Variants in MYT1L observed in about 807,000 individuals in gnomAD.
MYT1L encodes the protein myelin transcription factor 1-like protein.
Under a neutral mutation model 126.7 loss-of-function variants are expected in MYT1L, and 12 were observed. The ratio of observed to expected loss-of-function variants is 0.09; its 90% confidence interval spans 0.06 to 0.15. MYT1L has a LOEUF of 0.15. MYT1L is among the 10% of genes least tolerant of loss of function. MYT1L has a pLI of 1.00. For synonymous variants in MYT1L, 541 were observed against 604.2 expected (o/e 0.90, Z 1.53); for missense variants, 979 against 1,585.2 (o/e 0.62, Z 6.49).
chr2:2,071,100 C>A (rs918096108), intron 3 of MYT1L, among the ~76,000 whole-genome samples: 1 of 152,098 alleles, frequency 6.6e-6, no homozygotes, highest in Non-Finnish European at 1.5e-5. Context: ...AATCCTGACC[C>A]ACTGGGGGCT....
intron 2 of MYT1L, among the ~76,000 whole-genome samples, chr2:2,250,096 T>C (rs1252930678): frequency 1.3e-5 from 2 of 152,136 alleles, no homozygotes; most frequent in Non-Finnish European, 2.9e-5. Context: ...GTACAACCAC[T>C]ATAGAGAACA....
intron 4 of MYT1L, among the ~76,000 whole-genome samples, chr2:2,049,489 T>G (rs2068571439): frequency 6.6e-6 from 1 of 152,232 alleles, no homozygotes; most frequent in African/African-American, 2.4e-5. Flanking sequence ...ATTTATTAAC[T>G]GTGTAATGTT....
chr2:1,899,549 T>C (rs1050260636), intron 14 of MYT1L, among the ~76,000 whole-genome samples: 8 of 152,180 alleles, frequency 5.3e-5, no homozygotes, highest in South Asian at 2.1e-4. Flanking sequence ...CTATTTCCTA[T>C]AGACAACGTG....
At chr2:1,841,061 G>A (rs547859865) in intron 19 of MYT1L, 13 of 463,512 alleles carry the variant, frequency 2.8e-5, no homozygotes, top group South Asian at 2.6e-4. Context: ...CCACCACCAC[G>A]CCTGGCTAAT....
chr2:2,268,925 T>G (rs1007705564), intron 2 of MYT1L, among the ~76,000 whole-genome samples: 1 of 152,158 alleles, frequency 6.6e-6, no homozygotes, highest in African/African-American at 2.4e-5. Flanking sequence ...CAAATAGAAA[T>G]GCCACTTTGA....
In MYT1L at chr2:1,790,930, A is replaced by C. The variant is rs2031972548; in HGVS notation, c.*937T>G. 5.8e-6 allele frequency: 1 copy of C among 173,162 alleles called. No individual in the cohort carries two copies. The highest frequency in any genetic ancestry group is 5.6e-5 in the Admixed American group (1 of 17,756). The allele number at this position is 173,162 out of a possible 1,614,324, so 10.7% of individuals were successfully genotyped here. On this transcript the variant is annotated 3_prime_UTR_variant, in exon 25 of 25. Coordinates refer to ENST00000647738, the MANE Select transcript of MYT1L (RefSeq NM_001303052.2). The stretch of plus-strand genomic sequence containing the variant: ...CACACAAATTCTGTTGATAAACTAC[A>C]TTGCAATAACAGACAGTTCAGAGGG...
Position 2,207,917 on chromosome 2 carries a change from C to T in MYT1L, c.-420-34929G>A, listed in dbSNP as rs969701851. ...GTGCGGTGTATTCCAGCCCTGCCCA[C>T]CCCGAAGCACGTCTCTCTCTGTAAC... On this transcript the variant is annotated intron_variant, in intron 2 of 24. Transcript: ENST00000647738. 3.3e-5 allele frequency among the ~76,000 whole-genome samples: 5 copies of T among 152,314 alleles called. No homozygotes were observed. The South Asian group carries it at 6.2e-4, about 19-fold the overall frequency.
intron 5 of MYT1L, among the ~76,000 whole-genome samples, chr2:1,986,886 C>A (rs1399047251): frequency 3.3e-5 from 5 of 152,136 alleles, no homozygotes; most frequent in African/African-American, 9.7e-5. Context: ...CCAATCACAG[C>A]GTGATACCTA....
intron 2 of MYT1L, among the ~76,000 whole-genome samples, chr2:2,276,247 C>T (rs116456281): frequency 3.8e-3 from 575 of 152,216 alleles, no homozygotes; most frequent in African/African-American, 0.013. Context: ...CCCTTGCGTG[C>T]CTGTGTGGTG....
intron 18 of MYT1L, among the ~76,000 whole-genome samples, chr2:1,858,595 T>C (rs2044201227): frequency 6.6e-6 from 1 of 152,206 alleles, no homozygotes; most frequent in Admixed American, 6.5e-5. Context: ...TTTGGTATCC[T>C]CAGGGGTCCT....
At chr2:2,156,575 T>A (rs1232616192) in intron 3 of MYT1L, among the ~76,000 whole-genome samples, 1 of 152,266 alleles carries the variant, frequency 6.6e-6, no homozygotes, top group Non-Finnish European at 1.5e-5. Context: ...AGAAGTTTAT[T>A]GTGCTCAATT....
intron 2 of MYT1L, among the ~76,000 whole-genome samples, chr2:2,235,247 T>C (rs1040992061): frequency 6.6e-6 from 1 of 151,868 alleles, no homozygotes; most frequent in Non-Finnish European, 1.5e-5. Context: ...TAGAGGGCTG[T>C]GTGTAGCTGG....
chr2:1,798,225 C>CTT (rs1326463705), intron 23 of MYT1L, among the ~76,000 whole-genome samples: 1 of 123,350 alleles, frequency 8.1e-6, no homozygotes, highest in African/African-American at 3.1e-5. Flanking sequence ...CGGTCTCCCT[C>CTT]CATCCGGCAC....
At chr2:1,865,714 C>A (rs1029264870) in intron 18 of MYT1L, among the ~76,000 whole-genome samples, 2 of 151,988 alleles carry the variant, frequency 1.3e-5, no homozygotes, top group Admixed American at 1.3e-4. Flanking sequence ...CACAGGTTAG[C>A]AAGAAGGCCT....
At chr2:2,241,100 G>A (rs7609377) in intron 2 of MYT1L, among the ~76,000 whole-genome samples, 2 of 152,082 alleles carry the variant, frequency 1.3e-5, no homozygotes, top group African/African-American at 4.8e-5. Context: ...TGCTGTAATG[G>A]TACCAAGAAT....
intron 15 of MYT1L, among the ~76,000 whole-genome samples, chr2:1,891,715 G>T (rs987572747): frequency 6.6e-6 from 1 of 152,174 alleles, no homozygotes; most frequent in African/African-American, 2.4e-5. Flanking sequence ...TGCGGTCACT[G>T]GAGACCACAG....
chr2:2,027,258 G>A lies in MYT1L; in HGVS notation c.-158+26720C>T, dbSNP rs144187387. ...ACCCCGGGAGGCAGAGCACCCTCCC[G>A]GCTGGTGAGTGCTTCCAGGCACCTC... On this transcript the variant is annotated intron_variant, in intron 4 of 24. Coordinates refer to ENST00000647738, the MANE Select transcript of MYT1L (RefSeq NM_001303052.2). 3.9e-3 allele frequency among the ~76,000 whole-genome samples: 592 copies of A among 152,210 alleles called. 3 individuals are homozygous for A. The highest frequency in any genetic ancestry group is 0.013 in the African/African-American group (560 of 41,546).
intron 2 of MYT1L, among the ~76,000 whole-genome samples, chr2:2,267,379 A>G (rs2095158624): frequency 6.6e-6 from 1 of 152,226 alleles, no homozygotes; most frequent in African/African-American, 2.4e-5. Flanking sequence ...CCAAACAGGT[A>G]AAAAGCGGAG....
At chr2:2,021,624 G>A (rs1000409256) in intron 4 of MYT1L, among the ~76,000 whole-genome samples, 3 of 152,204 alleles carry the variant, frequency 2.0e-5, no homozygotes, top group Non-Finnish European at 2.9e-5. Flanking sequence ...CCAGCCGGGC[G>A]CGGTGGCCCA....
Sources: allele counts gnomAD v4.1 joint callset (sites outside exome capture counted in the v4.1 genomes callset), GRCh38; gene constraint gnomAD v4.1.1; transcripts MANE v1.5; gene names NCBI Gene and HGNC (gene_info 2026-07-23, HGNC 2026-07-21).